Variants in UNC13A observed in about 807,000 individuals in gnomAD.
The protein encoded by UNC13A is unc-13 homolog A, also known as protein unc-13 homolog A.
A neutral mutation model predicts 219.7 loss-of-function variants in UNC13A; 61 were observed. The ratio of observed to expected loss-of-function variants is 0.28; its 90% confidence interval spans 0.23 to 0.34. The LOEUF (loss-of-function observed/expected upper bound fraction) is 0.34. Ranked by LOEUF, UNC13A falls within the 10% of genes least tolerant of loss-of-function variation. The pLI is 1.00. For missense variants in UNC13A, 1,476 were observed against 2,270.3 expected (o/e 0.65, Z 7.11); for synonymous variants, 920 against 884.6 (o/e 1.04, Z -0.71).
intron 1 of UNC13A, 106 bp downstream of exon 1, chr19:17,688,072 T>G: frequency 7.2e-7 from 1 of 1,395,928 alleles, no homozygotes; most frequent in Non-Finnish European, 9.5e-7. Context: ...TCCAGCCACC[T>G]GGACTCGGGT....
chr19:17,614,843 C>T (rs974692077), intron 41 of UNC13A, among the ~76,000 whole-genome samples: 2 of 152,268 alleles, frequency 1.3e-5, no homozygotes, highest in East Asian at 1.9e-4. Flanking sequence ...TCCCCCAGGC[C>T]GATGCTTCAT....
At chr19:17,617,670 G>A (rs776704681) in intron 41 of UNC13A, 32 bp downstream of exon 41, 3 of 1,605,416 alleles carry the variant, frequency 1.9e-6, no homozygotes, top group African/African-American at 1.3e-5. Flanking sequence ...TCCGCGGAGC[G>A]GGAAAGGGTG....
chr19:17,675,917 A>C (rs2079888954), intron 2 of UNC13A, 95 bp downstream of exon 2: 1 of 1,452,856 alleles, frequency 6.9e-7, no homozygotes, highest in East Asian at 2.5e-5. Flanking sequence ...ATAAAGCCCA[A>C]CTCTAAGTCT....
At chr19:17,658,298 G>A in intron 8 of UNC13A, 29 bp from the exon 9 acceptor site, 2 of 1,591,372 alleles carry the variant, frequency 1.3e-6, no homozygotes, top group South Asian at 1.1e-5. Context: ...ATGGGAAGAG[G>A]GTGAGGAAGA....
intron 42 of UNC13A, among the ~76,000 whole-genome samples, chr19:17,611,263 A>G (rs2076601028): frequency 6.6e-6 from 1 of 152,132 alleles, no homozygotes; most frequent in South Asian, 2.1e-4. Flanking sequence ...AGCTCACTGC[A>G]AACTCCACCT....
At position 17,605,894 on chromosome 19, in the gene UNC13A, C is replaced by T. The variant is rs1446043454; in HGVS notation, c.*160G>A. The T allele has an allele frequency of 2.9e-6, 2 of 701,352 alleles. No homozygotes were observed. The highest frequency in any genetic ancestry group is 8.7e-5 in the Admixed American group (2 of 22,990). The allele number at this position is 701,352 out of a possible 1,614,324, so 43.4% of individuals were successfully genotyped here. ...CGGGGCATCCTCCATTCCTAATTCC[C>T]CAAAAGGGAAAGCTGAGTCAAGGGC... On this transcript the variant is annotated 3_prime_UTR_variant, in exon 44 of 44. Coordinates refer to ENST00000519716, the MANE Select transcript of UNC13A (RefSeq NM_001080421.3).
chr19:17,614,064 G>T, intron 41 of UNC13A: 1 of 149,534 alleles, frequency 6.7e-6, no homozygotes. Context: ...GGAGTGTAAT[G>T]GCACCATCTC....
intron 37 of UNC13A, 55 bp downstream of exon 37, chr19:17,621,777 C>T: frequency 6.3e-7 from 1 of 1,599,334 alleles, no homozygotes; most frequent in Non-Finnish European, 8.6e-7. Flanking sequence ...CACACATGCA[C>T]ACACATGCCC....
At position 17,626,931 on chromosome 19, in the gene UNC13A, C is replaced by T. The variant is rs556919840; in HGVS notation, c.3921-146G>A. 1.3e-4 allele frequency: 164 copies of T among 1,269,842 alleles called. No individual in the cohort carries two copies. In the African/African-American group the frequency reaches 1.9e-3, roughly 15 times the overall value. The allele number at this position is 1,269,842 out of a possible 1,614,324, so 78.7% of individuals were successfully genotyped here. On this transcript the variant is annotated intron_variant, in intron 33 of 43. Transcript: ENST00000519716. ...AGAACAGGCCAGATGCGGTGGCTCA[C>T]GCCTTTAATCCAAGCACTTTGGGAG...
Position 17,629,237 on chromosome 19 carries a change from C to T in UNC13A, c.3753+3G>A, listed in dbSNP as rs2076816213. On this transcript the variant is annotated splice_donor_region_variant and intron_variant, in intron 31 of 43. Coordinates refer to ENST00000519716, the MANE Select transcript of UNC13A (RefSeq NM_001080421.3). The stretch of plus-strand genomic sequence containing the variant: ...AGATAGGTCAGGGGCCCCCTCAGGT[C>T]ACCACTTTCTCCTTCTCCTTGGAGC... 6.2e-7 allele frequency: 1 copy of T among 1,606,544 alleles called. No individual in the cohort carries two copies. The highest frequency in any genetic ancestry group is 1.3e-5 in the African/African-American group (1 of 74,780).
In UNC13A at chr19:17,655,997, A is replaced by G; in HGVS notation, c.1169T>C (p.Val390Ala). The change falls in exon 10 of 44, where the codon GTG becomes GCG. Residue 390 changes from valine to alanine, a missense_variant. This residue lies in a region of UNC13A where 351 missense variants were observed against 342.6 expected (regional missense o/e 1.02). Coordinates refer to ENST00000519716, the MANE Select transcript of UNC13A (RefSeq NM_001080421.3). ...CATGTCGGGGGCCTCGGTGGGTGCCACTGGGGCCTTGTCCTCCTTCCCTGG... is the reference window on the plus strand; with the variant it reads ...CATGTCGGGGGCCTCGGTGGGTGCCGCTGGGGCCTTGTCCTCCTTCCCTGG... The part of the protein sequence containing the change: ...AAPGKEDKAP[V>A]APTEAPDMAK... 1 of 1,578,798 alleles carries G rather than the reference A, an allele frequency of 6.3e-7. No homozygotes were observed. The highest frequency in any genetic ancestry group is 8.6e-7 in the Non-Finnish European group (1 of 1,162,822).
intron 31 of UNC13A, chr19:17,628,320 T>G: frequency 1.2e-5 from 2 of 173,768 alleles, no homozygotes; most frequent in Admixed American, 6.5e-5. Context: ...GCGTGTGCCC[T>G]CACCCCGAGA....
At chr19:17,635,411 C>T (rs1031780365) in intron 26 of UNC13A, among the ~76,000 whole-genome samples, 6 of 152,216 alleles carry the variant, frequency 3.9e-5, no homozygotes, top group African/African-American at 1.4e-4. Flanking sequence ...AGAGTCCTCT[C>T]TAGCACTCAT....
chr19:17,620,640 G>A, intron 38 of UNC13A, 53 bp downstream of exon 38: 1 of 1,559,712 alleles, frequency 6.4e-7, no homozygotes, highest in Non-Finnish European at 8.7e-7. Context: ...CACAGGGGTG[G>A]GGTGGGGGGG....
intron 8 of UNC13A, 35 bp from the exon 9 acceptor site, chr19:17,658,304 G>A: frequency 6.3e-7 from 1 of 1,581,348 alleles, no homozygotes; most frequent in Non-Finnish European, 8.6e-7. Context: ...AGAGGGTGAG[G>A]AAGAGAGAGT....
At position 17,606,053 on chromosome 19, in the gene UNC13A, G is replaced by A. The variant is rs779941342; in HGVS notation, c.*1C>T. The A allele has an allele frequency of 3.1e-5, 48 of 1,540,808 alleles. No homozygotes were observed. The highest frequency in any genetic ancestry group is 3.8e-5 in the Non-Finnish European group (44 of 1,149,522). ...CAGTGCCGCTCGGCCGACCGCCCGC[G>A]CTAAGGCGCAGGCGCGGCACCGCCC... On this transcript the variant is annotated 3_prime_UTR_variant, in exon 44 of 44. Transcript: ENST00000519716.
intron 29 of UNC13A, 113 bp downstream of exon 29, chr19:17,630,541 A>G: frequency 7.9e-7 from 1 of 1,264,842 alleles, no homozygotes; most frequent in Non-Finnish European, 1.1e-6. Flanking sequence ...ACCATGAGCA[A>G]GACAAAGATG....
chr19:17,618,649 A>G, intron 39 of UNC13A, 148 bp from the exon 40 acceptor site: 2 of 836,722 alleles, frequency 2.4e-6, no homozygotes, highest in Non-Finnish European at 3.8e-6. Context: ...TGACTGGTAC[A>G]CAGCAGGTGC....
In UNC13A at chr19:17,664,216, T is replaced by C. The variant is rs190147043; in HGVS notation, c.524-649A>G. Among the ~76,000 whole-genome samples the C allele has an allele frequency of 3.7e-4, 56 of 152,274 alleles. 1 individual carries two copies. In the Middle Eastern group the frequency reaches 0.014, roughly 37 times the overall value. Reference sequence around the variant, plus strand: ...AGCAGTCTCCCAGTCTCCACCCTTTTCCTCTCCCAGCTCTTGGATAAGGAA... The same window carrying C: ...AGCAGTCTCCCAGTCTCCACCCTTTCCCTCTCCCAGCTCTTGGATAAGGAA... On this transcript the variant is annotated intron_variant, in intron 7 of 43. Transcript: ENST00000519716.
Sources: allele counts gnomAD v4.1 joint callset (sites outside exome capture counted in the v4.1 genomes callset), GRCh38; gene constraint gnomAD v4.1.1; regional missense constraint gnomAD v4.1.1; transcripts MANE v1.5; gene names NCBI Gene and HGNC (gene_info 2026-07-23, HGNC 2026-07-21).